FRY: variants seen among roughly 807,000 people sequenced by gnomAD.
The protein encoded by FRY is FRY microtubule binding protein.
In FRY, 128 loss-of-function variants were observed where a neutral mutation model predicts 348.4. The ratio of observed to expected loss-of-function variants is 0.37; its 90% CI spans 0.32 to 0.43. The LOEUF is 0.43. FRY is among the 20% of genes least tolerant of loss of function. The pLI, the probability that FRY is intolerant of heterozygous loss-of-function variation, is 1.00. For synonymous variants in FRY, 1,370 were observed against 1,374.7 expected, an observed-to-expected ratio of 1.00 and a Z score of 0.08; for missense variants, 2,736 against 3,695.2, an observed-to-expected ratio of 0.74 and a Z score of 6.73.
intron 1 of FRY, among the ~76,000 whole-genome samples, chr13:32,059,479 T>G (rs1408700396): frequency 3.2e-5 from 4 of 124,140 alleles, no homozygotes; most frequent in East Asian, 2.3e-4. Flanking sequence ...AAAAAAAAAT[T>G]TATAGAGAAT....
intron 1 of FRY, among the ~76,000 whole-genome samples, chr13:32,060,331 G>T (rs1197134248): frequency 1.3e-5 from 2 of 152,180 alleles, no homozygotes; most frequent in East Asian, 1.9e-4. Flanking sequence ...GCTCCATCTT[G>T]GTTTTATAAA....
chr13:32,093,852 G>T (rs1876501106), intron 2 of FRY, among the ~76,000 whole-genome samples: 1 of 152,158 alleles, frequency 6.6e-6, no homozygotes, highest in Non-Finnish European at 1.5e-5. Context: ...GAATGATTTT[G>T]TGAAAATAAA....
At chr13:32,069,661 A>G (rs967940446) in intron 1 of FRY, among the ~76,000 whole-genome samples, 1 of 152,252 alleles carries the variant, frequency 6.6e-6, no homozygotes, top group Non-Finnish European at 1.5e-5. Context: ...CTTTGAAGAC[A>G]TTATGCTAAG....
chr13:32,268,365 A>G (rs1265390753), intron 55 of FRY, among the ~76,000 whole-genome samples: 1 of 151,842 alleles, frequency 6.6e-6, no homozygotes, highest in African/African-American at 2.4e-5. Flanking sequence ...GCAGATATTG[A>G]CCGTGAAAAT....
At chr13:32,093,013 C>T (rs977882901) in intron 2 of FRY, among the ~76,000 whole-genome samples, 9 of 152,106 alleles carry the variant, frequency 5.9e-5, no homozygotes, top group Non-Finnish European at 7.4e-5. Context: ...GAATTTAAAA[C>T]GTAAACATAT....
At position 32,265,483 on chromosome 13, in the gene FRY, G is replaced by A. The variant is rs368105682; in HGVS notation, c.7813G>A (p.Val2605Met). The change falls in exon 54 of 61, where the codon GTG becomes ATG. Residue 2605 changes from valine (V) to methionine (M), a missense_variant. This residue lies in a region of FRY where 789 missense variants were observed against 996.2 expected (regional missense o/e 0.79). Transcript: ENST00000542859. ...TGTTCGTGAGGAGGAGGACACCACC[G>A]TGCATGAGGATGATCTTTCTAGTTC... ...EAVREEEDTT[V>M]HEDDLSSSIN... 1.2e-5 allele frequency: 20 copies of A among 1,614,114 alleles called. No homozygotes were observed. The East Asian group carries it at 1.6e-4, about 13-fold the overall frequency.
Position 32,078,903 on chromosome 13 carries a change from G to A in FRY, c.140G>A (p.Gly47Glu). Residue 47 changes from glycine (G) to glutamate (E), a missense_variant, in exon 2 of 61, where the codon GGG becomes GAG. Physicochemically the swap from Gly to Glu is moderately conservative, Grantham distance 98. Transcript: ENST00000542859. Reference sequence around the variant, plus strand: ...GCTTCTGGCACGCACAGGGAGAAAGGGCCGCCAACCATGCTACCCATCAAT... The same window carrying A: ...GCTTCTGGCACGCACAGGGAGAAAGAGCCGCCAACCATGCTACCCATCAAT... Reference protein sequence around the residue: ...PPASGTHREKGPPTMLPINVD... With the variant: ...PPASGTHREKEPPTMLPINVD... 1 of 1,614,022 alleles carries A rather than the reference G, an allele frequency of 6.2e-7. No individual in the cohort carries two copies. The highest frequency in any genetic ancestry group is 8.5e-7 in the Non-Finnish European group (1 of 1,179,948).
chr13:32,057,917 G>A (rs768856902), intron 1 of FRY, among the ~76,000 whole-genome samples: 6 of 151,886 alleles, frequency 4.0e-5, no homozygotes, highest in African/African-American at 7.3e-5. Context: ...CCAAGATCGC[G>A]CCACTATACT....
intron 23 of FRY, among the ~76,000 whole-genome samples, chr13:32,181,181 C>T (rs925824176): frequency 1.3e-5 from 2 of 152,100 alleles, no homozygotes; most frequent in African/African-American, 2.4e-5. Flanking sequence ...TGAGCCACCA[C>T]GCCCAGCCCA....
chr13:32,043,186 T>G (rs1039813125), intron 1 of FRY, among the ~76,000 whole-genome samples: 1 of 152,086 alleles, frequency 6.6e-6, no homozygotes, highest in African/African-American at 2.4e-5. Context: ...TCTTGTGAAA[T>G]GTATTCACTA....
rs774799873 is a variant in FRY at position 32,294,533 on chromosome 13, G to A, written c.8746G>A (p.Glu2916Lys). The A allele has an allele frequency of 2.9e-5, 46 of 1,613,944 alleles. No homozygotes were observed. The highest frequency in any genetic ancestry group is 8.0e-5 in the African/African-American group (6 of 74,900). ...CATGCTGGAGTGCCTGAAGAACAAC[G>A]AACTCGGCAAAGCTTTGCGGCAGAT... ...QSMLECLKNN[E>K]LGKALRQIRE... The change falls in exon 60 of 61, where the codon GAA becomes AAA. Residue 2916 changes from glutamate to lysine, a missense_variant. Glu to Lys is a moderately conservative substitution (Grantham distance 56, BLOSUM62 1). Coordinates refer to ENST00000542859, the MANE Select transcript of FRY (RefSeq NM_023037.3).
At position 32,239,330 on chromosome 13, in the gene FRY, T is replaced by C. The variant is rs1342961743; in HGVS notation, c.6497T>C (p.Ile2166Thr). Residue 2166 changes from isoleucine (I) to threonine (T), a missense_variant, in exon 45 of 61, where the codon ATA becomes ACA. Coordinates refer to ENST00000542859, the MANE Select transcript of FRY (RefSeq NM_023037.3). The surrounding 1 kb of genome is among the most constrained non-coding windows in gnomAD (Gnocchi z 4.3). ...AATCCCAATCAGTTCTGTAAGGATA[T>C]AGCCGAAAGGATTGCTCAGGTATGA... The part of the protein sequence containing the change: ...FENPNQFCKD[I>T]AERIAQVCLE... 9 of 1,604,770 alleles carry C rather than the reference T, an allele frequency of 5.6e-6. No homozygotes were observed. The highest frequency in any genetic ancestry group is 6.0e-6 in the Non-Finnish European group (7 of 1,171,620).
intron 1 of FRY, among the ~76,000 whole-genome samples, chr13:32,052,101 C>G (rs1361876708): frequency 6.6e-6 from 1 of 152,152 alleles, no homozygotes; most frequent in African/African-American, 2.4e-5. Context: ...AAGCTATATT[C>G]TAGTCCTTTT....
intron 3 of FRY, among the ~76,000 whole-genome samples, chr13:32,115,485 C>T (rs1878240945): frequency 1.3e-5 from 2 of 152,100 alleles, no homozygotes; most frequent in South Asian, 4.2e-4. Context: ...GCTTATGTCC[C>T]TATTCAAAAA....
At chr13:32,196,354 A>G (rs1027982834) in intron 29 of FRY, among the ~76,000 whole-genome samples, 2 of 152,198 alleles carry the variant, frequency 1.3e-5, no homozygotes, top group African/African-American at 4.8e-5. Flanking sequence ...ACATTTATTT[A>G]TTAAGAAACC....
At chr13:32,097,353 C>A (rs944357174) in intron 2 of FRY, among the ~76,000 whole-genome samples, 1 of 137,536 alleles carries the variant, frequency 7.3e-6, no homozygotes, top group Admixed American at 7.6e-5. Flanking sequence ...AGTACAGAAC[C>A]TTTTTTTCCT....
chr13:32,045,745 T>C (rs570965256), intron 1 of FRY, among the ~76,000 whole-genome samples: 6 of 152,278 alleles, frequency 3.9e-5, no homozygotes, highest in Admixed American at 1.3e-4. Context: ...GTCACAGTCA[T>C]TGGCCAGAGA....
chr13:32,059,545 CT>C (rs11427161), intron 1 of FRY, among the ~76,000 whole-genome samples: 104 of 148,778 alleles, frequency 7.0e-4, no homozygotes, highest in Middle Eastern at 6.8e-3. Context: ...TTTCTTTCAT[CT>C]TTTTTTTGTT....
intron 41 of FRY, among the ~76,000 whole-genome samples, chr13:32,233,294 T>G (rs1482363366): frequency 6.6e-6 from 1 of 152,212 alleles, no homozygotes; most frequent in Non-Finnish European, 1.5e-5. Flanking sequence ...CAGCCAAATG[T>G]GCTGCAGAGC....
Sources: gnomAD v4.1 joint callset for allele counts (sites outside exome capture counted in the v4.1 genomes callset) on GRCh38, gnomAD v4.1.1 for gene constraint, gnomAD v4.1.1 regional missense constraint, Gnocchi (gnomAD v3.1) non-coding constraint, MANE v1.5 for transcripts, NCBI Gene and HGNC (gene_info 2026-07-23, HGNC 2026-07-21) for gene names.